RALGAPB: variants seen among roughly 807,000 people sequenced by gnomAD.
The protein encoded by RALGAPB is ral GTPase-activating protein subunit beta.
RALGAPB carries 25 observed loss-of-function variants against 161.1 expected under a neutral mutation model. The ratio of observed to expected loss-of-function variants is 0.16; its 90% CI spans 0.11 to 0.22. The LOEUF (loss-of-function observed/expected upper bound fraction) is 0.22. Ranked by LOEUF, RALGAPB falls within the 10% of genes least tolerant of loss-of-function variation. RALGAPB has a pLI of 1.00. For synonymous variants in RALGAPB, 629 were observed against 626.1 expected, an observed-to-expected ratio of 1.00 and a Z score of -0.07; for missense variants, 1,391 against 1,815.2, an observed-to-expected ratio of 0.77 and a Z score of 4.25.
At chr20:38,485,966 C>CTTTT (rs11481893) in intron 1 of RALGAPB, among the ~76,000 whole-genome samples, 21 of 90,692 alleles carry the variant, frequency 2.3e-4, no homozygotes, top group African/African-American at 2.7e-4. Flanking sequence ...CTTTCTATAT[C>CTTTT]TTTTTTTTTT....
chr20:38,548,604 A>T lies in RALGAPB; in HGVS notation c.2903-85A>T, dbSNP rs576969948. The T allele has an allele frequency of 5.4e-5, 58 of 1,070,288 alleles. No individual in the cohort carries two copies. In the South Asian group the frequency reaches 7.5e-4, roughly 14 times the overall value. 66.3% of individuals were successfully genotyped at this position (1,070,288 alleles called of 1,614,324 possible). ...AGGAAACACTGTTGGGCCTTTGATT[A>T]TGAGAAGCTCTGCAGTTGATAACAA... On this transcript the variant is annotated intron_variant, in intron 19 of 29. Coordinates refer to ENST00000262879, the MANE Select transcript of RALGAPB (RefSeq NM_020336.4).
intron 14 of RALGAPB, among the ~76,000 whole-genome samples, chr20:38,532,445 G>A (rs1050652568): frequency 3.9e-5 from 6 of 152,136 alleles, no homozygotes; most frequent in African/African-American, 1.4e-4. Flanking sequence ...GGAATCTAGT[G>A]AAGTCTAGTA....
At chr20:38,551,895 C>T (rs773495769) in intron 21 of RALGAPB, among the ~76,000 whole-genome samples, 1 of 152,148 alleles carries the variant, frequency 6.6e-6, no homozygotes, top group Non-Finnish European at 1.5e-5. Flanking sequence ...GGGCTACACT[C>T]TCCAATGCTG....
chr20:38,571,188 G>T (rs1289813541), intron 28 of RALGAPB, among the ~76,000 whole-genome samples: 2 of 151,992 alleles, frequency 1.3e-5, no homozygotes, highest in African/African-American at 4.8e-5. Flanking sequence ...GTTTTCTCCT[G>T]CCCACTTAAT....
chr20:38,490,231 C>T lies in RALGAPB; in HGVS notation c.186+1613C>T, dbSNP rs6026033. ...TATTTATTAATTATTATTTTTGAGA[C>T]GGAGTCTCGCTCTGTTGCCCAGGCT... On this transcript the variant is annotated intron_variant, in intron 2 of 29. Coordinates refer to ENST00000262879, the MANE Select transcript of RALGAPB (RefSeq NM_020336.4). 2.4e-4 allele frequency among the ~76,000 whole-genome samples: 36 copies of T among 151,858 alleles called. 2 individuals carry two copies. The highest frequency in any genetic ancestry group is 7.7e-4 in the African/African-American group (32 of 41,382).
intron 11 of RALGAPB, among the ~76,000 whole-genome samples, chr20:38,525,184 C>A (rs570673828): frequency 6.6e-6 from 1 of 152,236 alleles, no homozygotes; most frequent in South Asian, 2.1e-4. Flanking sequence ...AAGAACAACT[C>A]CAACACAGAG....
At chr20:38,534,781 A>G (rs2086753448) in intron 15 of RALGAPB, among the ~76,000 whole-genome samples, 1 of 152,192 alleles carries the variant, frequency 6.6e-6, no homozygotes, top group Non-Finnish European at 1.5e-5. Flanking sequence ...GATAATTTAG[A>G]AACTTTAAAT....
intron 1 of RALGAPB, among the ~76,000 whole-genome samples, chr20:38,483,813 A>T (rs2122838965): frequency 6.6e-6 from 1 of 152,282 alleles, no homozygotes; most frequent in East Asian, 1.9e-4. Context: ...GGCTCCTGAA[A>T]GTAACGTTCT....
chr20:38,562,269 C>T lies in RALGAPB; in HGVS notation c.3532-263C>T, dbSNP rs189284416. On this transcript the variant is annotated intron_variant, in intron 23 of 29. Coordinates refer to ENST00000262879, the MANE Select transcript of RALGAPB (RefSeq NM_020336.4). ...AGAGCTCAGGGCTTTTCTTGCATTACTTCACAACCATTATTATTATCTCTA... is the reference window on the plus strand; with the variant it reads ...AGAGCTCAGGGCTTTTCTTGCATTATTTCACAACCATTATTATTATCTCTA... 3.5e-3 allele frequency among the ~76,000 whole-genome samples: 526 copies of T among 152,316 alleles called. 6 individuals are homozygous for T. The highest frequency in any genetic ancestry group is 6.8e-3 in the Middle Eastern group (2 of 294).
Position 38,499,525 on chromosome 20 carries a change from T to A in RALGAPB, c.632T>A (p.Phe211Tyr). 6.2e-7 allele frequency: 1 copy of A among 1,614,002 alleles called. No individual in the cohort carries two copies. Residue 211 changes from phenylalanine (F) to tyrosine (Y), a missense_variant, in exon 5 of 30, where the codon TTC becomes TAC. By Grantham distance (22) the Phe-to-Tyr change is conservative. Coordinates refer to ENST00000262879, the MANE Select transcript of RALGAPB (RefSeq NM_020336.4). ...EVWLLACTRCFPTPPYWKTAK... is the reference protein window; with the variant it reads ...EVWLLACTRCYPTPPYWKTAK... ...TGGTTACTAGCTTGTACTCGGTGCTTCCCAACACCTCCTTATTGGAAAACA... is the reference window on the plus strand; with the variant it reads ...TGGTTACTAGCTTGTACTCGGTGCTACCCAACACCTCCTTATTGGAAAACA...
At chr20:38,565,515 A>G (rs758772319) in intron 25 of RALGAPB, 37 bp downstream of exon 25, 2 of 1,604,022 alleles carry the variant, frequency 1.2e-6, no homozygotes, top group Non-Finnish European at 1.7e-6. Flanking sequence ...TTTAGGATCT[A>G]TTTTTATATT....
intron 23 of RALGAPB, among the ~76,000 whole-genome samples, chr20:38,560,489 A>G (rs1414600240): frequency 1.3e-5 from 2 of 152,220 alleles, no homozygotes; most frequent in African/African-American, 4.8e-5. Flanking sequence ...TATGGGGTCT[A>G]ATATGCTTGG....
intron 1 of RALGAPB, among the ~76,000 whole-genome samples, chr20:38,483,319 G>T (rs749292383): frequency 6.6e-6 from 1 of 152,146 alleles, no homozygotes; most frequent in Middle Eastern, 3.2e-3. Flanking sequence ...CAGAGCACTG[G>T]CTCTTAACCA....
rs2088204935 is a variant in RALGAPB at position 38,570,852 on chromosome 20, A to T, written c.4142+5A>T. The T allele has an allele frequency of 1.3e-6, 2 of 1,576,578 alleles. No homozygotes were observed. The highest frequency in any genetic ancestry group is 1.7e-6 in the Non-Finnish European group (2 of 1,148,886). ...AAATAGTAGCACTTCACTGAGGTAC[A>T]CTCTATTTGCTTGAAGTTCATCAGC... On this transcript the variant is annotated splice_donor_5th_base_variant and intron_variant, in intron 28 of 29. Transcript: ENST00000262879.
intron 22 of RALGAPB, among the ~76,000 whole-genome samples, chr20:38,557,255 G>C (rs1253264973): frequency 6.6e-6 from 1 of 152,096 alleles, no homozygotes; most frequent in Non-Finnish European, 1.5e-5. Context: ...GAGCAGAAAG[G>C]GTAGAAAGCT....
intron 3 of RALGAPB, among the ~76,000 whole-genome samples, chr20:38,494,352 C>T (rs1413965440): frequency 1.3e-5 from 2 of 152,180 alleles, no homozygotes; most frequent in Admixed American, 6.5e-5. Context: ...GGAAATGGGC[C>T]GGGTGCAGTG....
chr20:38,558,448 C>T lies in RALGAPB; in HGVS notation c.3526C>T (p.Gln1176Ter). Residue 1176 changes from glutamine to a stop codon, truncating the protein, a stop_gained, in exon 23 of 30, where the codon CAA (glutamine) becomes TAA (stop). Transcript: ENST00000262879. LOFTEE classifies it high-confidence loss of function. ...TATGAAGCCAGGTCAGAAAACGAAC[C>T]AAGAGGTAAGAGTTACGAATTTTTT... ...FYMKPGQKTN[Q>*]EILKNVESSR... 1 of 1,576,044 alleles carries T rather than the reference C, an allele frequency of 6.3e-7. No individual in the cohort carries two copies. The highest frequency in any genetic ancestry group is 2.3e-5 in the East Asian group (1 of 44,148).
chr20:38,513,160 G>A (rs932258605), intron 6 of RALGAPB, among the ~76,000 whole-genome samples: 17 of 151,732 alleles, frequency 1.1e-4, no homozygotes, highest in Non-Finnish European at 2.9e-5. Context: ...CCAAGCTTAG[G>A]AGTTCGAGAC....
At position 38,499,427 on chromosome 20, in the gene RALGAPB, G is replaced by T. The variant is rs2085515616; in HGVS notation, c.554-20G>T. ...TTAAAAATAAGTTTGCCAAAGATGT[G>T]TTTTCTTTTTGTTGGTAAGGTGGCA... On this transcript the variant is annotated intron_variant, in intron 4 of 29. Transcript: ENST00000262879. 2 of 1,561,776 alleles carry T rather than the reference G, an allele frequency of 1.3e-6. No individual in the cohort carries two copies. The highest frequency in any genetic ancestry group is 1.7e-6 in the Non-Finnish European group (2 of 1,151,424).
Sources: allele counts gnomAD v4.1 joint callset (sites outside exome capture counted in the v4.1 genomes callset), GRCh38; gene constraint gnomAD v4.1.1; transcripts MANE v1.5; gene names NCBI Gene and HGNC (gene_info 2026-07-23, HGNC 2026-07-21).